The following NPAS3 variants were observed in gnomAD, a reference collection of about 807,000 sequenced individuals.
NPAS3 encodes neuronal PAS domain protein 3, also known as neuronal PAS domain-containing protein 3.
NPAS3 carries 14 observed loss-of-function variants against 73.1 expected under a neutral mutation model. That is an observed-to-expected ratio of 0.19 (90% confidence interval 0.13 to 0.30). NPAS3 has a LOEUF of 0.30. Among genes scored for constraint, NPAS3 ranks in the 10% least tolerant of loss-of-function variants. The probability of loss-of-function intolerance (pLI) is 1.00; values close to 1 mark genes in which losing one functional copy is unlikely to be tolerated. For missense variants in NPAS3, 1,096 were observed against 1,250.0 expected (o/e 0.88, Z 1.86); for synonymous variants, 620 against 541.5 (o/e 1.14, Z -2.01).
At chr14:33,315,755 G>T (rs1370536326) in intron 3 of NPAS3, among the ~76,000 whole-genome samples, 1 of 151,922 alleles carries the variant, frequency 6.6e-6, no homozygotes, top group South Asian at 2.1e-4. Flanking sequence ...AAGCTATGGG[G>T]GTAAGGTAGG....
Position 33,659,717 on chromosome 14 carries a change from T to C in NPAS3, c.559-16494T>C, listed in dbSNP as rs574194220. ...TAGAAACCATACCTTTAATAATCTC[T>C]ATTTCATCTAAGGAAGCAAAAAAAA... On this transcript the variant is annotated intron_variant, in intron 5 of 11. Coordinates refer to ENST00000356141, the Ensembl canonical transcript of NPAS3. Among the ~76,000 whole-genome samples, 4 of 152,248 alleles carry C rather than the reference T, an allele frequency of 2.6e-5. No individual in the cohort carries two copies. In the South Asian group the frequency reaches 8.3e-4, roughly 32 times the overall value.
intron 4 of NPAS3, among the ~76,000 whole-genome samples, chr14:33,482,516 T>G (rs538900568): frequency 6.6e-6 from 1 of 152,146 alleles, no homozygotes; most frequent in Non-Finnish European, 1.5e-5. Context: ...TGAAACGTGG[T>G]GGAGATAGGA....
chr14:33,310,874 G>C (rs1467519631), intron 3 of NPAS3, among the ~76,000 whole-genome samples: 1 of 151,608 alleles, frequency 6.6e-6, no homozygotes. Context: ...TAAGACTACA[G>C]TCTGTTACTG....
intron 2 of NPAS3, among the ~76,000 whole-genome samples, chr14:33,136,474 T>TTCC (rs2043843985): frequency 6.6e-6 from 1 of 152,230 alleles, no homozygotes; most frequent in Non-Finnish European, 1.5e-5. Context: ...CAGTTCTATA[T>TTCC]AGTTTTCTGG....
intron 3 of NPAS3, among the ~76,000 whole-genome samples, chr14:33,342,364 A>G (rs2044526592): frequency 6.6e-6 from 1 of 152,182 alleles, no homozygotes; most frequent in South Asian, 2.1e-4. Context: ...GTGCCCATAC[A>G]TCGGTGGCCA....
chr14:33,101,213 A>G (rs1252132384), intron 2 of NPAS3, among the ~76,000 whole-genome samples: 1 of 152,068 alleles, frequency 6.6e-6, no homozygotes, highest in African/African-American at 2.4e-5. Context: ...TGCCAATTTA[A>G]ACCTTTTCCA....
chr14:33,427,793 A>G (rs1223139089), intron 4 of NPAS3, among the ~76,000 whole-genome samples: 1 of 152,104 alleles, frequency 6.6e-6, no homozygotes, highest in Admixed American at 6.6e-5. Context: ...ATATTTGTTG[A>G]CTGAATAAGT....
At chr14:33,711,493 C>T (rs1377908072) in intron 6 of NPAS3, among the ~76,000 whole-genome samples, 11 of 152,202 alleles carry the variant, frequency 7.2e-5, no homozygotes, top group East Asian at 1.9e-4. Flanking sequence ...GTTTCCTGTA[C>T]GCTTTTCTGT....
At chr14:33,696,532 T>G (rs1466857173) in intron 6 of NPAS3, among the ~76,000 whole-genome samples, 4 of 152,222 alleles carry the variant, frequency 2.6e-5, no homozygotes, top group Non-Finnish European at 4.4e-5. Context: ...AGCATTATTC[T>G]TTGGGGTTTG....
chr14:33,187,738 A>T (rs2046031064), intron 2 of NPAS3, among the ~76,000 whole-genome samples: 1 of 152,264 alleles, frequency 6.6e-6, no homozygotes, highest in South Asian at 2.1e-4. Flanking sequence ...AAATAATTTT[A>T]ATTAGTATTT....
At chr14:33,203,464 C>T (rs1365885191) in intron 2 of NPAS3, among the ~76,000 whole-genome samples, 2 of 152,052 alleles carry the variant, frequency 1.3e-5, no homozygotes, top group African/African-American at 2.4e-5. Context: ...AATGCTATCC[C>T]TCCCCACTCC....
At chr14:33,038,265 T>C (rs895244663) in intron 1 of NPAS3, among the ~76,000 whole-genome samples, 1 of 152,118 alleles carries the variant, frequency 6.6e-6, no homozygotes, top group African/African-American at 2.4e-5. Flanking sequence ...GATCCTTACT[T>C]ACAAAATAGC....
At chr14:32,942,844 G>T (rs1304564143) in intron 1 of NPAS3, among the ~76,000 whole-genome samples, 1 of 152,112 alleles carries the variant, frequency 6.6e-6, no homozygotes, top group East Asian at 1.9e-4. Flanking sequence ...AAATAGGATG[G>T]CCTTCATATC....
chr14:33,280,110 A>T (rs2041529572), intron 3 of NPAS3, among the ~76,000 whole-genome samples: 2 of 152,146 alleles, frequency 1.3e-5, no homozygotes, highest in South Asian at 4.1e-4. Context: ...GTCTCAGCAC[A>T]CAAGAAGCTT....
rs111887862 is a variant in NPAS3 at position 33,774,820 on chromosome 14, G to T, written c.1046+290G>T. ...CCCAAGGAGAGAGCAGGGCTTAGAT[G>T]CCATTGGCAAAATGATGCAGTAAAA... is the stretch of plus-strand genomic sequence containing the variant. On this transcript the variant is annotated intron_variant, in intron 8 of 11. Coordinates refer to ENST00000356141, the Ensembl canonical transcript of NPAS3. Among the ~76,000 whole-genome samples the T allele has an allele frequency of 1.0e-3, 152 of 152,282 alleles. 1 individual carries two copies. Among genetic ancestry groups the T allele is most frequent in the African/African-American group, 3.6e-3 (149 of 41,564 alleles).
At chr14:33,691,081 A>G (rs953257761) in intron 6 of NPAS3, among the ~76,000 whole-genome samples, 1 of 152,202 alleles carries the variant, frequency 6.6e-6, no homozygotes, top group Non-Finnish European at 1.5e-5. Context: ...TCAATCCTAC[A>G]TGGTTTTGAT....
chr14:33,074,633 TG>T (rs1382747399), intron 2 of NPAS3, among the ~76,000 whole-genome samples: 6 of 152,210 alleles, frequency 3.9e-5, no homozygotes, highest in Non-Finnish European at 2.9e-5. Context: ...GCCAGGCTGA[TG>T]TGGAACTCCC....
intron 3 of NPAS3, among the ~76,000 whole-genome samples, chr14:33,277,431 C>A (rs933494616): frequency 5.3e-5 from 8 of 152,114 alleles, no homozygotes; most frequent in African/African-American, 1.9e-4. Context: ...GCAAATGAAC[C>A]AAACAAAACT....
intron 10 of NPAS3, 82 bp from the exon 11 acceptor site, chr14:33,797,375 C>G (rs557691839): frequency 6.8e-7 from 1 of 1,464,452 alleles, no homozygotes; most frequent in African/African-American, 1.4e-5. Flanking sequence ...AAGTCTGGGA[C>G]AAAGAAGTGG....
Sources: gnomAD v4.1 joint callset for allele counts (sites outside exome capture counted in the v4.1 genomes callset) on GRCh38, gnomAD v4.1.1 for gene constraint, MANE v1.5 for transcripts, NCBI Gene and HGNC (gene_info 2026-07-23, HGNC 2026-07-21) for gene names.